Variants in VWA3A observed in about 807,000 individuals in gnomAD.
VWA3A encodes the protein von Willebrand factor A domain-containing protein 3A.
In VWA3A, 134 loss-of-function variants were observed where a neutral mutation model predicts 160.4. The ratio of observed to expected loss-of-function variants is 0.84; its 90% CI spans 0.73 to 0.96. VWA3A has a LOEUF of 0.96. Ranked by LOEUF, VWA3A falls within the 40% of genes least tolerant of loss-of-function variation. The pLI is 0.00. For missense variants in VWA3A, 1,310 were observed against 1,447.9 expected, an observed-to-expected ratio of 0.90 and a Z score of 1.55; for synonymous variants, 476 against 543.4, an observed-to-expected ratio of 0.88 and a Z score of 1.72.
intron 9 of VWA3A, 117 bp downstream of exon 9, chr16:22,115,589 T>C: frequency 8.2e-7 from 1 of 1,214,892 alleles, no homozygotes; most frequent in African/African-American, 1.6e-5. Context: ...CCCAGCACTT[T>C]GGGAGGCCGA....
intron 26 of VWA3A, 53 bp downstream of exon 26, chr16:22,144,437 A>G: frequency 6.2e-7 from 1 of 1,601,056 alleles, no homozygotes; most frequent in Non-Finnish European, 8.5e-7. Context: ...CTCAGCTGCA[A>G]ATGGCAGAGA....
chr16:22,113,469 C>T (rs1393952802), intron 8 of VWA3A, among the ~76,000 whole-genome samples: 3 of 148,682 alleles, frequency 2.0e-5, no homozygotes, highest in Non-Finnish European at 3.0e-5. Flanking sequence ...AAGTGATCCG[C>T]CCTCCTTGGC....
intron 18 of VWA3A, 121 bp downstream of exon 18, chr16:22,131,400 T>C (rs2045945876): frequency 2.1e-6 from 3 of 1,430,624 alleles, no homozygotes; most frequent in Non-Finnish European, 2.9e-6. Flanking sequence ...CAAACAGCCA[T>C]GGGCAGAAAT....
chr16:22,119,016 A>G lies in VWA3A; in HGVS notation c.1105A>G (p.Thr369Ala). The change falls in exon 12 of 34, where the codon ACC becomes GCC. Residue 369 changes from threonine to alanine, a missense_variant. By Grantham distance (58) the Thr-to-Ala change is moderately conservative. Transcript: ENST00000389398. ...HSSPCEALTC[T>A]MEEISTEITN... ...CAGCCCCTGTGAGGCGCTCACCTGC[A>G]CCATGGAGGAGGTAGGTGGTGCGAG... The G allele has an allele frequency of 2.5e-6, 4 of 1,611,544 alleles. No individual in the cohort carries two copies. The highest frequency in any genetic ancestry group is 1.1e-5 in the South Asian group (1 of 90,730).
chr16:22,153,115 G>A (rs1330068080), intron 31 of VWA3A, among the ~76,000 whole-genome samples: 2 of 152,194 alleles, frequency 1.3e-5, no homozygotes, highest in African/African-American at 2.4e-5. Flanking sequence ...GGAGGCCGAG[G>A]TGGGTGGATC....
At chr16:22,153,738 A>ATT (rs66519465) in intron 31 of VWA3A, among the ~76,000 whole-genome samples, 127,246 of 132,670 alleles carry the variant, frequency 0.96, 61,192 homozygotes, top group South Asian at 0.98. Flanking sequence ...ACATGGCATA[A>ATT]TTTTTTTTTT....
At chr16:22,116,115 GAAAA>G (rs1230563456) in intron 9 of VWA3A, among the ~76,000 whole-genome samples, 1 of 134,966 alleles carries the variant, frequency 7.4e-6, no homozygotes, top group African/African-American at 2.7e-5. Flanking sequence ...AAAGAAACAA[GAAAA>G]AAAGAAAGGA....
At position 22,131,298 on chromosome 16, in the gene VWA3A, C is replaced by T. The variant is rs1392928841; in HGVS notation, c.1727+19C>T. Reference sequence around the variant, plus strand: ...CCTGGCGGTAGGTTATGGGCAGAGACTTCGTGGGGCTGTGTCTGAGGGAAG... The same window carrying T: ...CCTGGCGGTAGGTTATGGGCAGAGATTTCGTGGGGCTGTGTCTGAGGGAAG... On this transcript the variant is annotated intron_variant, in intron 18 of 33. Coordinates refer to ENST00000389398, the MANE Select transcript of VWA3A (RefSeq NM_173615.5). The T allele has an allele frequency of 2.5e-6, 4 of 1,612,788 alleles. No homozygotes were observed. The Admixed American group carries it at 6.7e-5, about 27-fold the overall frequency.
chr16:22,116,961 C>A (rs2045659586), intron 10 of VWA3A, 94 bp downstream of exon 10: 2 of 1,425,328 alleles, frequency 1.4e-6, no homozygotes, highest in Non-Finnish European at 2.0e-6. Context: ...GGCCCCCGAG[C>A]TGTGGACCAG....
In VWA3A at chr16:22,152,551, G is replaced by T. The variant is rs139055951; in HGVS notation, c.3322G>T (p.Gly1108Cys). 1.5e-4 allele frequency: 236 copies of T among 1,612,508 alleles called. No homozygotes were observed. The East Asian group carries it at 5.2e-3, about 36-fold the overall frequency. Residue 1108 changes from glycine to cysteine, a missense_variant, in exon 31 of 34, where the codon GGC (glycine) becomes TGC (cysteine). Coordinates refer to ENST00000389398, the MANE Select transcript of VWA3A (RefSeq NM_173615.5). Reference sequence around the variant, plus strand: ...CCTGAGAAAGCTGGCTTCCTTCACCGGCGGACGCTATCACTGCCCTGTGGG... The same window carrying T: ...CCTGAGAAAGCTGGCTTCCTTCACCTGCGGACGCTATCACTGCCCTGTGGG... ...EFLRKLASFT[G>C]GRYHCPVGED...
At chr16:22,096,797 C>A in intron 1 of VWA3A, 62 bp from the exon 2 acceptor site, 1 of 1,082,358 alleles carries the variant, frequency 9.2e-7, no homozygotes, top group South Asian at 1.4e-5. Flanking sequence ...TATAGATACC[C>A]CCCAAAACTA....
chr16:22,110,716 G>A (rs942940589), intron 7 of VWA3A, among the ~76,000 whole-genome samples, 172 bp from the exon 8 acceptor site: 18 of 152,156 alleles, frequency 1.2e-4, no homozygotes, highest in African/African-American at 3.4e-4. Context: ...CAGGAGGCCC[G>A]GCAGGCAGGA....
chr16:22,094,072 C>T (rs1423536454), intron 1 of VWA3A, among the ~76,000 whole-genome samples: 1 of 152,156 alleles, frequency 6.6e-6, no homozygotes, highest in Non-Finnish European at 1.5e-5. Context: ...TTGCACCCGG[C>T]CCCGTGCTTT....
intron 1 of VWA3A, 80 bp downstream of exon 1, chr16:22,092,731 G>A (rs1901374473): frequency 9.2e-6 from 14 of 1,527,788 alleles, no homozygotes; most frequent in Non-Finnish European, 1.2e-5. Flanking sequence ...TGGACTGAGT[G>A]AGAAGATCGA....
At chr16:22,149,379 C>CA (rs1039887754) in intron 28 of VWA3A, among the ~76,000 whole-genome samples, 3 of 152,134 alleles carry the variant, frequency 2.0e-5, no homozygotes, top group African/African-American at 7.2e-5. Flanking sequence ...GCTTGGACTA[C>CA]AGGCGCACAC....
intron 6 of VWA3A, among the ~76,000 whole-genome samples, chr16:22,105,651 G>A (rs1255553768): frequency 6.6e-6 from 1 of 152,160 alleles, no homozygotes; most frequent in East Asian, 1.9e-4. Context: ...TGAAAAATGA[G>A]AATATCTGGT....
chr16:22,138,407 G>A lies in VWA3A; in HGVS notation c.2187G>A (p.Leu729=), dbSNP rs1434532435. ...ASLKNHSGKV[L]GSSALPKEKP... is the part of the protein sequence containing the mutation. ...TGAAGAACCATTCAGGAAAAGTACT[G>A]GGAAGTTCAGCCCTCCCGAAAGAAA... Residue 729 remains leucine (L), a synonymous_variant, in exon 22 of 34, where the codon CTG becomes CTA. Coordinates refer to ENST00000389398, the MANE Select transcript of VWA3A (RefSeq NM_173615.5). The A allele has an allele frequency of 3.7e-6, 6 of 1,610,642 alleles. No homozygotes were observed. The highest frequency in any genetic ancestry group is 5.1e-6 in the Non-Finnish European group (6 of 1,178,602).
intron 9 of VWA3A, among the ~76,000 whole-genome samples, chr16:22,115,695 G>A (rs893310730): frequency 6.6e-6 from 1 of 151,008 alleles, no homozygotes; most frequent in Non-Finnish European, 1.5e-5. Context: ...AAATTAGCTG[G>A]TCATGGTTGT....
chr16:22,093,953 T>A (rs1055307323), intron 1 of VWA3A, among the ~76,000 whole-genome samples: 4 of 148,458 alleles, frequency 2.7e-5, no homozygotes, highest in African/African-American at 5.1e-5. Context: ...TTTTTTTTTT[T>A]ATATAGAGAC....
Sources: gnomAD v4.1 joint callset for allele counts (sites outside exome capture counted in the v4.1 genomes callset) on GRCh38, gnomAD v4.1.1 for gene constraint, MANE v1.5 for transcripts, NCBI Gene and HGNC (gene_info 2026-07-23, HGNC 2026-07-21) for gene names.